PPM1H: variants seen among roughly 807,000 people sequenced by gnomAD.
PPM1H encodes the protein protein phosphatase 1H.
PPM1H carries 27 observed loss-of-function variants against 54.9 expected under a neutral mutation model. The ratio of observed to expected loss-of-function variants is 0.49; its 90% CI spans 0.36 to 0.68. PPM1H has a LOEUF of 0.68. Among genes scored for constraint, PPM1H ranks in the 30% least tolerant of loss-of-function variants. The pLI is 0.00. For missense variants in PPM1H, 596 were observed against 667.8 expected, an observed-to-expected ratio of 0.89 and a Z score of 1.19; for synonymous variants, 305 against 270.8, an observed-to-expected ratio of 1.13 and a Z score of -1.24.
chr12:62,892,828 T>C (rs1170874088), intron 1 of PPM1H, among the ~76,000 whole-genome samples: 2 of 151,630 alleles, frequency 1.3e-5, no homozygotes, highest in Non-Finnish European at 2.9e-5. Flanking sequence ...AAGTAAGGCA[T>C]AAGTGGATAC....
chr12:62,725,576 T>C (rs1342960082), intron 5 of PPM1H, among the ~76,000 whole-genome samples: 2 of 152,234 alleles, frequency 1.3e-5, no homozygotes, highest in Non-Finnish European at 2.9e-5. Flanking sequence ...CATAAAAATA[T>C]ACAAAGTTTA....
At chr12:62,721,742 T>C (rs1258377744) in intron 5 of PPM1H, among the ~76,000 whole-genome samples, 1 of 152,218 alleles carries the variant, frequency 6.6e-6, no homozygotes, top group Non-Finnish European at 1.5e-5. Context: ...ATTTAATTTC[T>C]TGGGCCTCAG....
intron 1 of PPM1H, among the ~76,000 whole-genome samples, chr12:62,856,633 C>T (rs2120954029): frequency 6.6e-6 from 1 of 152,302 alleles, no homozygotes; most frequent in Middle Eastern, 3.4e-3. Context: ...TTGCCCTGAT[C>T]TGATCACTAT....
chr12:62,818,243 G>C (rs184817762), intron 2 of PPM1H, among the ~76,000 whole-genome samples: 21 of 152,212 alleles, frequency 1.4e-4, no homozygotes, highest in African/African-American at 4.6e-4. Flanking sequence ...GAAGTCACTT[G>C]GTACCCTCCT....
chr12:62,720,329 G>A (rs373292769), intron 5 of PPM1H, 40 bp from the exon 6 acceptor site: 175 of 1,411,988 alleles, frequency 1.2e-4, no homozygotes, highest in Middle Eastern at 1.8e-4. Flanking sequence ...ACACATACAC[G>A]TATTTAGAGA....
At chr12:62,745,951 G>C (rs2076407976) in intron 4 of PPM1H, among the ~76,000 whole-genome samples, 1 of 152,150 alleles carries the variant, frequency 6.6e-6, no homozygotes, top group Non-Finnish European at 1.5e-5. Context: ...CCAGCACTTG[G>C]GGAAGTCAAG....
intron 3 of PPM1H, among the ~76,000 whole-genome samples, chr12:62,800,829 G>A (rs1466803651): frequency 6.6e-6 from 1 of 152,146 alleles, no homozygotes; most frequent in Non-Finnish European, 1.5e-5. Flanking sequence ...ACAAAGCAGA[G>A]GCGGCTTCTA....
intron 1 of PPM1H, among the ~76,000 whole-genome samples, chr12:62,857,769 C>T (rs1466341709): frequency 1.3e-5 from 2 of 152,138 alleles, no homozygotes; most frequent in East Asian, 3.9e-4. Flanking sequence ...CTTGCTTGCT[C>T]TTTATACTAG....
At chr12:62,814,774 A>G (rs1259611143) in intron 2 of PPM1H, among the ~76,000 whole-genome samples, 2 of 152,216 alleles carry the variant, frequency 1.3e-5, no homozygotes, top group Admixed American at 1.3e-4. Context: ...AATGTCCTGT[A>G]TGAGCACAGA....
At chr12:62,774,902 T>C (rs907358811) in intron 4 of PPM1H, among the ~76,000 whole-genome samples, 3 of 152,198 alleles carry the variant, frequency 2.0e-5, no homozygotes, top group African/African-American at 7.2e-5. Context: ...GTACGAGTTC[T>C]GCCGCCGGCT....
At chr12:62,765,916 T>C (rs1374037108) in intron 4 of PPM1H, among the ~76,000 whole-genome samples, 1 of 152,124 alleles carries the variant, frequency 6.6e-6, no homozygotes, top group African/African-American at 2.4e-5. Context: ...GGATGAGAAG[T>C]GACAGGTGAA....
chr12:62,934,762 G>T lies in PPM1H; in HGVS notation c.-26C>A. 6.7e-7 allele frequency: 1 copy of T among 1,496,948 alleles called. No homozygotes were observed. Among genetic ancestry groups the T allele is most frequent in the Non-Finnish European group, 8.9e-7 (1 of 1,118,744 alleles). 92.7% of individuals were successfully genotyped at this position (1,496,948 alleles called of 1,614,324 possible). ...ATTACTCCGGCGCCCGGCTGCAGCGGTGCGAGCAGGAGGCGGCGGGGGCCG... is the reference window on the plus strand; with the variant it reads ...ATTACTCCGGCGCCCGGCTGCAGCGTTGCGAGCAGGAGGCGGCGGGGGCCG... On this transcript the variant is annotated 5_prime_UTR_variant, in exon 1 of 10. Transcript: ENST00000228705. This position sits in a 1 kb window ranked among gnomAD's most constrained non-coding sequence, Gnocchi z 4.2.
At chr12:62,698,676 T>A (rs2076127017) in intron 6 of PPM1H, among the ~76,000 whole-genome samples, 1 of 152,166 alleles carries the variant, frequency 6.6e-6, no homozygotes, top group African/African-American at 2.4e-5. Context: ...CTTGCATTTT[T>A]TAAAAATTAA....
chr12:62,658,052 G>A (rs1329607630), intron 9 of PPM1H, among the ~76,000 whole-genome samples: 2 of 63,338 alleles, frequency 3.2e-5, no homozygotes, highest in Admixed American at 1.5e-4. Context: ...TTAAATCCAG[G>A]TTACAAAAAA....
chr12:62,664,093 ATC>A lies in PPM1H; in HGVS notation c.1397+3083_1397+3084del, dbSNP rs1487163550. ...AGCCCTTAGGGCCTCACTCAGAAATATCTTTCTCTGTGGTTAAGGGTATCTTT... is the reference window on the plus strand; with the variant it reads ...AGCCCTTAGGGCCTCACTCAGAAATATTTCTCTGTGGTTAAGGGTATCTTT... On this transcript the variant is annotated intron_variant, in intron 9 of 9. Coordinates refer to ENST00000228705, the MANE Select transcript of PPM1H (RefSeq NM_020700.2). Among the ~76,000 whole-genome samples, 16 of 152,138 alleles carry A rather than the reference ATC, an allele frequency of 1.1e-4. 1 individual carries two copies. The highest frequency in any genetic ancestry group is 8.8e-5 in the Non-Finnish European group (6 of 68,028).
At chr12:62,661,465 A>G (rs1592529404) in intron 9 of PPM1H, among the ~76,000 whole-genome samples, 1 of 152,186 alleles carries the variant, frequency 6.6e-6, no homozygotes, top group African/African-American at 2.4e-5. Context: ...CAGTGGCACC[A>G]TCTCGGCTCA....
chr12:62,680,569 T>G (rs1237492795), intron 8 of PPM1H, among the ~76,000 whole-genome samples: 1 of 152,104 alleles, frequency 6.6e-6, no homozygotes, highest in Non-Finnish European at 1.5e-5. Flanking sequence ...TGGAGAGGCA[T>G]GTAGTGCTGC....
At chr12:62,914,220 C>A (rs1871550935) in intron 1 of PPM1H, among the ~76,000 whole-genome samples, 1 of 152,158 alleles carries the variant, frequency 6.6e-6, no homozygotes, top group Non-Finnish European at 1.5e-5. Flanking sequence ...TTATAAGGAG[C>A]TTGGCACCTC....
intron 9 of PPM1H, among the ~76,000 whole-genome samples, chr12:62,663,357 T>C (rs2075896958): frequency 6.6e-6 from 1 of 151,940 alleles, no homozygotes; most frequent in Non-Finnish European, 1.5e-5. Flanking sequence ...TTATAAAATA[T>C]ATATGTAAAG....
Sources: gnomAD v4.1 joint callset for allele counts (sites outside exome capture counted in the v4.1 genomes callset) on GRCh38, gnomAD v4.1.1 for gene constraint, Gnocchi (gnomAD v3.1) non-coding constraint, MANE v1.5 for transcripts, NCBI Gene and HGNC (gene_info 2026-07-23, HGNC 2026-07-21) for gene names.